ADAMTS17: variants seen among roughly 807,000 people sequenced by gnomAD.
ADAMTS17 encodes the protein A disintegrin and metalloproteinase with thrombospondin motifs 17.
ADAMTS17 carries 113 observed loss-of-function variants against 141.5 expected under a neutral mutation model. The ratio of observed to expected loss-of-function variants is 0.80; its 90% CI spans 0.69 to 0.93. The LOEUF (loss-of-function observed/expected upper bound fraction) is 0.93, where lower values mean the gene tolerates loss of function less well. Among genes scored for constraint, ADAMTS17 ranks in the 40% least tolerant of loss-of-function variants. The probability of loss-of-function intolerance (pLI) is 0.00; values close to 1 mark genes in which losing one functional copy is unlikely to be tolerated. For missense variants in ADAMTS17, 1,659 were observed against 1,517.9 expected (o/e 1.09, Z -1.54); for synonymous variants, 768 against 630.6 (o/e 1.22, Z -3.27).
chr15:100,219,246 G>A (rs1272183447), intron 7 of ADAMTS17, among the ~76,000 whole-genome samples: 1 of 152,254 alleles, frequency 6.6e-6, no homozygotes, highest in Admixed American at 6.5e-5. Context: ...TTTCTGGGGT[G>A]ATAAAAATGT....
intron 18 of ADAMTS17, among the ~76,000 whole-genome samples, chr15:100,018,214 G>T (rs1464668076): frequency 6.6e-6 from 1 of 152,132 alleles, no homozygotes. Flanking sequence ...TCCTCAATGT[G>T]CATCTGTGTC....
chr15:100,196,495 T>A (rs2041121939), intron 8 of ADAMTS17, among the ~76,000 whole-genome samples: 1 of 152,158 alleles, frequency 6.6e-6, no homozygotes, highest in Non-Finnish European at 1.5e-5. Context: ...ACGACGCACA[T>A]TAGGTAACGA....
chr15:99,998,428 C>T (rs2060849449), intron 18 of ADAMTS17, among the ~76,000 whole-genome samples: 1 of 152,086 alleles, frequency 6.6e-6, no homozygotes, highest in Admixed American at 6.5e-5. Context: ...CATGGTGAAA[C>T]CCCGTCTCTA....
intron 8 of ADAMTS17, among the ~76,000 whole-genome samples, chr15:100,161,189 C>T (rs912627486): frequency 6.6e-6 from 1 of 152,168 alleles, no homozygotes; most frequent in Admixed American, 6.5e-5. Flanking sequence ...ACACAAAGCA[C>T]ACCGTGCGGC....
intron 15 of ADAMTS17, among the ~76,000 whole-genome samples, chr15:100,078,356 T>C (rs934547368): frequency 2.6e-5 from 4 of 152,144 alleles, no homozygotes; most frequent in African/African-American, 9.7e-5. Flanking sequence ...TAGCTATCTG[T>C]AGCAATCAAG....
rs114729300 is a variant in ADAMTS17, at chr15:100,056,631, G to A, written c.2138-2577C>T. On this transcript the variant is annotated intron_variant, in intron 15 of 21. Coordinates refer to ENST00000268070, the MANE Select transcript of ADAMTS17 (RefSeq NM_139057.4). ...AGGCGCAGCTCAGGCGGTCATGCTC[G>A]CTCGCAGGGCACTCACCTGCTGCTG... Among the ~76,000 whole-genome samples, 1,105 of 152,250 alleles carry A rather than the reference G, an allele frequency of 7.3e-3. 10 individuals are homozygous for A. The highest frequency in any genetic ancestry group is 0.025 in the African/African-American group (1,057 of 41,538).
At chr15:100,017,875 G>A (rs558451551) in intron 18 of ADAMTS17, among the ~76,000 whole-genome samples, 2 of 152,188 alleles carry the variant, frequency 1.3e-5, no homozygotes, top group Admixed American at 1.3e-4. Flanking sequence ...GGTGTGAAGT[G>A]GTATTTCATT....
chr15:100,328,340 A>G (rs1377251281), intron 3 of ADAMTS17, among the ~76,000 whole-genome samples: 1 of 152,226 alleles, frequency 6.6e-6, no homozygotes, highest in East Asian at 1.9e-4. Context: ...TAAAAGGCCC[A>G]TTGTCATTCT....
chr15:100,056,222 C>T (rs555755584), intron 15 of ADAMTS17, among the ~76,000 whole-genome samples: 3 of 151,978 alleles, frequency 2.0e-5, no homozygotes, highest in South Asian at 2.1e-4. Context: ...GGTGCATGGA[C>T]GTTCATCATT....
At chr15:100,325,258 C>A (rs1481032301) in intron 3 of ADAMTS17, among the ~76,000 whole-genome samples, 3 of 152,148 alleles carry the variant, frequency 2.0e-5, no homozygotes, top group Non-Finnish European at 4.4e-5. Flanking sequence ...GCCCACCACT[C>A]CAGAACCCTG....
intron 4 of ADAMTS17, among the ~76,000 whole-genome samples, chr15:100,265,590 A>G (rs1567455196): frequency 6.6e-6 from 1 of 152,296 alleles, no homozygotes; most frequent in East Asian, 1.9e-4. Flanking sequence ...GGAGGGGCAG[A>G]CAGGTACCAG....
At chr15:100,085,753 A>G (rs1056524162) in intron 15 of ADAMTS17, among the ~76,000 whole-genome samples, 2 of 150,156 alleles carry the variant, frequency 1.3e-5, no homozygotes, top group South Asian at 2.1e-4. Context: ...ACTAAGCTTC[A>G]TAAGTGAAGG....
Position 100,341,825 on chromosome 15 carries a change from G to A in ADAMTS17, c.75C>T (p.Gly25=). The A allele has an allele frequency of 6.4e-7, 1 of 1,551,342 alleles. No homozygotes were observed. Among genetic ancestry groups the A allele is most frequent in the South Asian group, 1.2e-5 (1 of 84,116 alleles). ...GGCTGTGGGAGGGGGCGCTACCTGT[G>A]CCCGGGTCCAGTCCCCAAACCAGCA... ...LLLLVWGLDP[G]TAVGDAAADV... Residue 25 remains glycine (G), a synonymous_variant, in exon 1 of 22, where the codon GGC becomes GGT. Coordinates refer to ENST00000268070, the MANE Select transcript of ADAMTS17 (RefSeq NM_139057.4).
Position 100,001,984 on chromosome 15 carries a change from AGGCC to A in ADAMTS17, c.2592-4399_2592-4396del, listed in dbSNP as rs1347978949. Among the ~76,000 whole-genome samples, 133 of 84,004 alleles carry A rather than the reference AGGCC, an allele frequency of 1.6e-3. 13 individuals are homozygous for A. Among genetic ancestry groups the A allele is most frequent in the Non-Finnish European group, 1.9e-3 (67 of 36,180 alleles). 55.1% of individuals were successfully genotyped at this position (84,004 alleles called of 152,430 possible). ...AGAGCGAGACTCAGTCTCAAAAAAAAGGCCAAACCCAAAAAAAAAAAAAAAAAAA... is the reference window on the plus strand; with the variant it reads ...AGAGCGAGACTCAGTCTCAAAAAAAAAAACCCAAAAAAAAAAAAAAAAAAA... On this transcript the variant is annotated intron_variant, in intron 18 of 21. Transcript: ENST00000268070.
chr15:100,006,064 C>T (rs1243323450), intron 18 of ADAMTS17, among the ~76,000 whole-genome samples: 1 of 152,138 alleles, frequency 6.6e-6, no homozygotes, highest in Non-Finnish European at 1.5e-5. Flanking sequence ...CAGATCAGGG[C>T]CCAACCCTAC....
At chr15:100,063,252 T>C (rs2033258672) in intron 15 of ADAMTS17, among the ~76,000 whole-genome samples, 1 of 152,192 alleles carries the variant, frequency 6.6e-6, no homozygotes, top group Non-Finnish European at 1.5e-5. Context: ...AGATTGTTGT[T>C]CTTTTTCCAG....
At chr15:99,988,932 A>G (rs529101460) in intron 20 of ADAMTS17, among the ~76,000 whole-genome samples, 3 of 152,300 alleles carry the variant, frequency 2.0e-5, no homozygotes, top group East Asian at 3.9e-4. Context: ...GTTGTTTTGC[A>G]GCTCCTTGTA....
chr15:100,124,112 C>T (rs906563419), intron 12 of ADAMTS17, among the ~76,000 whole-genome samples: 1 of 151,914 alleles, frequency 6.6e-6, no homozygotes, highest in African/African-American at 2.4e-5. Context: ...TACAGGTGTG[C>T]GCCACCATGC....
intron 6 of ADAMTS17, among the ~76,000 whole-genome samples, chr15:100,254,980 C>T (rs2043276309): frequency 6.6e-6 from 1 of 151,434 alleles, no homozygotes; most frequent in African/African-American, 2.4e-5. Flanking sequence ...ACCTGCACAT[C>T]CTGCACATGT....
Sources: gnomAD v4.1 joint callset for allele counts (sites outside exome capture counted in the v4.1 genomes callset) on GRCh38, gnomAD v4.1.1 for gene constraint, MANE v1.5 for transcripts, NCBI Gene and HGNC (gene_info 2026-07-23, HGNC 2026-07-21) for gene names.